SLC12A7: variants seen among roughly 807,000 people sequenced by gnomAD.
SLC12A7 encodes the protein K-Cl cotransporter 4.
A neutral mutation model predicts 120.6 loss-of-function variants in SLC12A7; 100 were observed. That is an observed-to-expected ratio of 0.83 (90% CI 0.71 to 0.98). SLC12A7 has a LOEUF of 0.98. SLC12A7 is among the 50% of genes least tolerant of loss of function. The probability of loss-of-function intolerance (pLI) is 0.00; values close to 1 mark genes in which losing one functional copy is unlikely to be tolerated. For missense variants in SLC12A7, 1,373 were observed against 1,548.1 expected (o/e 0.89, Z 1.90); for synonymous variants, 760 against 678.0 (o/e 1.12, Z -1.88).
chr5:1,108,806 A>AG lies in SLC12A7; in HGVS notation c.124+3061dup, dbSNP rs1161469943. Among the ~76,000 whole-genome samples, 12 of 152,076 alleles carry AG rather than the reference A, an allele frequency of 7.9e-5. No individual in the cohort carries two copies. In the East Asian group the frequency reaches 2.3e-3, roughly 30 times the overall value. On this transcript the variant is annotated intron_variant, in intron 1 of 23. Transcript: ENST00000264930. Reference sequence around the variant, plus strand: ...GCTCTAGCTGTCCTCAGATTTTGGGAGGGGGCTCCCAACACGGACACGGTA... The same window carrying AG: ...GCTCTAGCTGTCCTCAGATTTTGGGAGGGGGGCTCCCAACACGGACACGGTA...
intron 6 of SLC12A7, among the ~76,000 whole-genome samples, 186 bp from the exon 7 acceptor site, chr5:1,085,659 TCAGC>T: frequency 7.6e-6 from 1 of 132,416 alleles, no homozygotes. Context: ...CCCGCGGGGG[TCAGC>T]GCACAGGCGA....
intron 9 of SLC12A7, among the ~76,000 whole-genome samples, chr5:1,080,158 C>T (rs992736314): frequency 1.3e-5 from 2 of 151,692 alleles, no homozygotes; most frequent in Non-Finnish European, 2.9e-5. Flanking sequence ...TCTGCCCCCA[C>T]GCCCTCCACC....
the SLC12A7 span, among the ~76,000 whole-genome samples, chr5:1,140,501 G>A: frequency 1.7e-4 from 26 of 152,206 alleles, no homozygotes; most frequent in African/African-American, 6.3e-4. Flanking sequence ...CTGGTGAGGG[G>A]GGGTGCTCCC....
At chr5:1,117,572 G>A in the SLC12A7 span, among the ~76,000 whole-genome samples, 1 of 152,228 alleles carries the variant, frequency 6.6e-6, no homozygotes, top group Non-Finnish European at 1.5e-5. The surrounding 1 kb of genome is among the most constrained non-coding windows in gnomAD (Gnocchi z 4.5). Flanking sequence ...TAAAATCCAT[G>A]CTTGAGATGT....
chr5:1,076,776 ACGTGGGCT>A lies in SLC12A7; in HGVS notation c.1658_1665del (p.Glu553ValfsTer360). 6.2e-7 allele frequency: 1 copy of A among 1,611,158 alleles called. No individual in the cohort carries two copies. Among genetic ancestry groups the A allele is most frequent in the Non-Finnish European group, 8.5e-7 (1 of 1,179,932 alleles). On this transcript the variant is annotated frameshift_variant, in exon 13 of 24. Coordinates refer to ENST00000264930, the MANE Select transcript of SLC12A7 (RefSeq NM_006598.3). LOFTEE classifies it high-confidence loss of function. Reference sequence around the variant, plus strand: ...ATGAGGACTGTCAGCAGCAGCGCCCACGTGGGCTCCCCGTTGGCCTTCCCGTGGCCAAA... The same window carrying A: ...ATGAGGACTGTCAGCAGCAGCGCCCACCCCGTTGGCCTTCCCGTGGCCAAA...
intron 9 of SLC12A7, 27 bp downstream of exon 9, chr5:1,081,550 A>C: frequency 6.3e-7 from 1 of 1,586,498 alleles, no homozygotes; most frequent in Non-Finnish European, 8.6e-7. Context: ...AAGAAAGAGA[A>C]GGGGAAGCCT....
chr5:1,069,215 A>G (rs1737374740), intron 17 of SLC12A7, among the ~76,000 whole-genome samples: 1 of 152,238 alleles, frequency 6.6e-6, no homozygotes, highest in Admixed American at 6.5e-5. Context: ...CCACGTGGCC[A>G]ACGTGGCGGG....
the SLC12A7 span, among the ~76,000 whole-genome samples, chr5:1,152,571 C>A: frequency 1.4e-3 from 212 of 151,226 alleles, 4 homozygotes; most frequent in South Asian, 0.043. Context: ...AGGGAGATCC[C>A]CCAAGCTAGA....
chr5:1,076,068 C>T, intron 14 of SLC12A7, 70 bp downstream of exon 14: 2 of 1,354,292 alleles, frequency 1.5e-6, no homozygotes, highest in Non-Finnish European at 2.0e-6. Flanking sequence ...GCTGAGCGGC[C>T]TCACCAGTGG....
At chr5:1,119,983 T>G in the SLC12A7 span, among the ~76,000 whole-genome samples, 1 of 152,124 alleles carries the variant, frequency 6.6e-6, no homozygotes, top group South Asian at 2.1e-4. Context: ...CCCCCATAGG[T>G]CAACAGCCTG....
intron 8 of SLC12A7, 121 bp from the exon 9 acceptor site, chr5:1,081,865 C>G (rs535438696): frequency 1.7e-6 from 2 of 1,162,364 alleles, no homozygotes; most frequent in Non-Finnish European, 2.4e-6. Flanking sequence ...ACAGCTTGTG[C>G]GCCGCAAGCA....
Position 1,112,027 on chromosome 5 carries a change from G to T in SLC12A7, c.-36C>A. ...AGCCGACAGTCCCCGTCCCGGCCCG[G>T]CCCGCGCTGCGCCGCTCCCGCCGAC... On this transcript the variant is annotated 5_prime_UTR_variant, in exon 1 of 24. Transcript: ENST00000264930. 1 of 1,235,926 alleles carries T rather than the reference G, an allele frequency of 8.1e-7. No individual in the cohort carries two copies. Among genetic ancestry groups the T allele is most frequent in the South Asian group, 3.6e-5 (1 of 27,564 alleles). 76.6% of individuals were successfully genotyped at this position (1,235,926 alleles called of 1,614,324 possible).
chr5:1,100,112 C>T (rs1180689705), intron 1 of SLC12A7, among the ~76,000 whole-genome samples: 2 of 152,204 alleles, frequency 1.3e-5, no homozygotes, highest in African/African-American at 4.8e-5. Flanking sequence ...AAGAGAAGAG[C>T]GAGGCAGCCG....
intron 20 of SLC12A7, among the ~76,000 whole-genome samples, chr5:1,061,073 CCTGCCGCAT>C (rs1561034899): frequency 4.0e-4 from 41 of 103,384 alleles, no homozygotes; most frequent in Admixed American, 2.3e-3. Flanking sequence ...ACCCGCCGCA[CCTGCCGCAT>C]CCGCCATGCG....
chr5:1,087,787 G>T (rs958745620), intron 5 of SLC12A7, among the ~76,000 whole-genome samples: 67 of 152,220 alleles, frequency 4.4e-4, no homozygotes, highest in African/African-American at 1.6e-3. Flanking sequence ...ATTTCGTATC[G>T]TAATTCGTTT....
intron 1 of SLC12A7, among the ~76,000 whole-genome samples, chr5:1,103,253 C>A (rs554539856): frequency 6.6e-6 from 1 of 152,164 alleles, no homozygotes; most frequent in Non-Finnish European, 1.5e-5. Context: ...CACCCATTCC[C>A]GAAGTGACCT....
At chr5:1,076,284 G>T in intron 13 of SLC12A7, 48 bp from the exon 14 acceptor site, 1 of 1,503,446 alleles carries the variant, frequency 6.7e-7, no homozygotes, top group Non-Finnish European at 9.0e-7. Flanking sequence ...GCCCCCCTGA[G>T]CCCCCAGTCA....
intron 14 of SLC12A7, 147 bp from the exon 15 acceptor site, chr5:1,075,637 T>C (rs1738247224): frequency 7.8e-7 from 1 of 1,281,936 alleles, no homozygotes; most frequent in African/African-American, 1.5e-5. Context: ...ACCATGGCTG[T>C]ACTCAACCAC....
intron 20 of SLC12A7, among the ~76,000 whole-genome samples, chr5:1,063,328 A>G (rs1239532292): frequency 6.6e-6 from 1 of 152,110 alleles, no homozygotes. Flanking sequence ...ATCTGGGGAG[A>G]GCACCCAAAA....
Sources: gnomAD v4.1 joint callset for allele counts (sites outside exome capture counted in the v4.1 genomes callset) on GRCh38, gnomAD v4.1.1 for gene constraint, Gnocchi (gnomAD v3.1) non-coding constraint, MANE v1.5 for transcripts, NCBI Gene and HGNC (gene_info 2026-07-23, HGNC 2026-07-21) for gene names.